NHSL1: variants seen among roughly 807,000 people sequenced by gnomAD.
NHSL1 encodes the protein NHS-like protein 1.
A neutral mutation model predicts 95.0 loss-of-function variants in NHSL1; 48 were observed. The observed-to-expected ratio is 0.51, with a 90% CI of 0.40 to 0.64. The LOEUF (loss-of-function observed/expected upper bound fraction) is 0.64. Ranked by LOEUF, NHSL1 falls within the 30% of genes least tolerant of loss-of-function variation. NHSL1 has a pLI of 0.00. For missense variants in NHSL1, 1,971 were observed against 2,077.7 expected (o/e 0.95, Z 1.00); for synonymous variants, 783 against 833.9 (o/e 0.94, Z 1.05).
intron 3 of NHSL1, among the ~76,000 whole-genome samples, chr6:138,468,697 TG>T (rs1778552614): frequency 6.6e-6 from 1 of 152,170 alleles, no homozygotes; most frequent in Admixed American, 6.5e-5. Context: ...ACAAAAAAGC[TG>T]GGGGCCACTG....
chr6:138,466,046 G>GGGGT lies in NHSL1; in HGVS notation c.339+7259_339+7260insACCC, dbSNP rs1164719185. On this transcript the variant is annotated intron_variant, in intron 3 of 7. Transcript: ENST00000343505. Reference sequence around the variant, plus strand: ...GCCCCACATACACTCCTTTTTGGGGGGGGGGCAGGGGGGAACAGAGTCTTG... The same window carrying GGGGT: ...GCCCCACATACACTCCTTTTTGGGGGGGGTGGGGGCAGGGGGGAACAGAGTCTTG... 1.4e-5 allele frequency among the ~76,000 whole-genome samples: 2 copies of GGGGT among 140,298 alleles called. 1 individual carries two copies. Among genetic ancestry groups the GGGGT allele is most frequent in the Non-Finnish European group, 3.1e-5 (2 of 64,948 alleles). The allele number at this position is 140,298 out of a possible 152,430, so 92.0% of individuals were successfully genotyped here.
Position 138,690,699 on chromosome 6 carries a change from C to A in NHSL1, c.96+1777G>T, listed in dbSNP as rs568733716. Among the ~76,000 whole-genome samples, 332 of 152,238 alleles carry A rather than the reference C, an allele frequency of 2.2e-3. 2 individuals carry two copies. Among genetic ancestry groups the A allele is most frequent in the Middle Eastern group, 3.4e-3 (1 of 294 alleles). On this transcript the variant is annotated intron_variant, in intron 1 of 3. Transcript: ENST00000491526. ...GAGGGTGCAGTGAGCTGAGATTGCA[C>A]CACAGCACTCCAGCCTGGAAGACAG...
chr6:138,427,335 G>A (rs1264331033), intron 7 of NHSL1, among the ~76,000 whole-genome samples: 1 of 152,128 alleles, frequency 6.6e-6, no homozygotes, highest in African/African-American at 2.4e-5. Flanking sequence ...AGCTACTTGG[G>A]ATGCTGAGGC....
chr6:138,498,252 T>C (rs1419840540), intron 1 of NHSL1, among the ~76,000 whole-genome samples: 3 of 152,198 alleles, frequency 2.0e-5, no homozygotes, highest in Non-Finnish European at 4.4e-5. Context: ...TATTCGACAA[T>C]TTCAAATCAA....
rs183363170 is a variant in NHSL1, at chr6:138,669,915, G to A, written c.96+22561C>T. Among the ~76,000 whole-genome samples, 8 of 152,216 alleles carry A rather than the reference G, an allele frequency of 5.3e-5. No homozygotes were observed. In the East Asian group the frequency reaches 1.6e-3, roughly 30 times the overall value. The stretch of plus-strand genomic sequence containing the variant: ...GTGGGTGGATCACCCGAGGTCAGGA[G>A]TTTGAGACCAGCATGGCCAATATGG... On this transcript the variant is annotated intron_variant, in intron 1 of 3. Transcript: ENST00000491526.
chr6:138,484,163 G>T (rs139889021), intron 2 of NHSL1, among the ~76,000 whole-genome samples: 1 of 152,250 alleles, frequency 6.6e-6, no homozygotes, highest in Non-Finnish European at 1.5e-5. Context: ...ACCAATCTAG[G>T]ATTAAAAAGC....
At chr6:138,670,077 C>T (rs560060179) in intron 1 of NHSL1, among the ~76,000 whole-genome samples, 3 of 152,102 alleles carry the variant, frequency 2.0e-5, no homozygotes, top group South Asian at 2.1e-4. Context: ...GCCGAAATCA[C>T]GCCACTGCAC....
intron 1 of NHSL1, among the ~76,000 whole-genome samples, chr6:138,568,061 T>C (rs1056442222): frequency 4.6e-5 from 7 of 152,172 alleles, no homozygotes; most frequent in African/African-American, 1.7e-4. Context: ...TAAATACTAC[T>C]AGTCATTAGT....
At position 138,424,674 on chromosome 6, in the gene NHSL1, G is replaced by C; in HGVS notation, c.4228C>G (p.Arg1410Gly). 6.4e-7 allele frequency: 1 copy of C among 1,551,520 alleles called. No homozygotes were observed. The highest frequency in any genetic ancestry group is 8.7e-7 in the Non-Finnish European group (1 of 1,146,970). The change falls in exon 8 of 8, where the codon CGA (arginine) becomes GGA (glycine). Residue 1410 changes from arginine (R) to glycine (G), a missense_variant. Physicochemically the swap from Arg to Gly is moderately radical, Grantham distance 125. Coordinates refer to ENST00000343505, the MANE Select transcript of NHSL1 (RefSeq NM_001144060.2). The surrounding 1 kb of genome is among the most constrained non-coding windows in gnomAD (Gnocchi z 5.9). ...TTGTCACTGCTGGTGCTGCTCTTTC[G>C]GATGCTTCTCTGAATCGACCCCACT... ...KQVGSIQRSI[R>G]KSSTSSDNFK...
At chr6:138,524,230 C>A (rs1781808034) in intron 1 of NHSL1, among the ~76,000 whole-genome samples, 1 of 152,146 alleles carries the variant, frequency 6.6e-6, no homozygotes, top group South Asian at 2.1e-4. Flanking sequence ...TAAAATTAAG[C>A]CTGGTGTTAA....
chr6:138,593,425 C>G (rs970873626), intron 1 of NHSL1, among the ~76,000 whole-genome samples: 1 of 152,234 alleles, frequency 6.6e-6, no homozygotes, highest in Non-Finnish European at 1.5e-5. Flanking sequence ...AGAGTTCATT[C>G]ATTCACAATC....
At chr6:138,469,720 T>C (rs1418610972) in intron 3 of NHSL1, among the ~76,000 whole-genome samples, 1 of 151,856 alleles carries the variant, frequency 6.6e-6, no homozygotes, top group Non-Finnish European at 1.5e-5. Flanking sequence ...CTCAACAGAG[T>C]GAGATCCTGT....
At chr6:138,491,803 A>C (rs981246609) in intron 2 of NHSL1, among the ~76,000 whole-genome samples, 6 of 152,004 alleles carry the variant, frequency 3.9e-5, no homozygotes, top group Middle Eastern at 3.2e-3. Context: ...TTTTTTTCTG[A>C]TTTTGGAATA....
intron 3 of NHSL1, among the ~76,000 whole-genome samples, chr6:138,469,210 A>G (rs1183120783): frequency 6.6e-6 from 1 of 152,240 alleles, no homozygotes; most frequent in Non-Finnish European, 1.5e-5. Context: ...TCAAAGAATT[A>G]CTGTTGAATA....
At chr6:138,554,620 A>G (rs1180175829) in intron 1 of NHSL1, among the ~76,000 whole-genome samples, 1 of 152,256 alleles carries the variant, frequency 6.6e-6, no homozygotes, top group Non-Finnish European at 1.5e-5. Flanking sequence ...GTAAATGTCC[A>G]GGCTTCTGGT....
intron 1 of NHSL1, among the ~76,000 whole-genome samples, chr6:138,514,307 G>T (rs1001222122): frequency 6.8e-6 from 1 of 146,180 alleles, no homozygotes; most frequent in African/African-American, 2.6e-5. Flanking sequence ...GACAGAGCAA[G>T]ACTCCATCTC....
chr6:138,523,015 C>T (rs1364439028), intron 1 of NHSL1, among the ~76,000 whole-genome samples: 1 of 152,064 alleles, frequency 6.6e-6, no homozygotes, highest in Non-Finnish European at 1.5e-5. Context: ...GGAAGGGTCT[C>T]TGTCCCCCCA....
Position 138,473,262 on chromosome 6 carries a change from T to C in NHSL1, c.339+44A>G. 2.7e-6 allele frequency: 4 copies of C among 1,471,658 alleles called. No homozygotes were observed. The South Asian group carries it at 5.7e-5, about 21-fold the overall frequency. 91.2% of individuals were successfully genotyped at this position (1,471,658 alleles called of 1,614,324 possible). Reference sequence around the variant, plus strand: ...TTGTCCACATATATCCTTTCTCTGTTCTGGGACCCAACCCAGGACCCCGTG... The same window carrying C: ...TTGTCCACATATATCCTTTCTCTGTCCTGGGACCCAACCCAGGACCCCGTG... On this transcript the variant is annotated intron_variant, in intron 3 of 7. Transcript: ENST00000343505.
At chr6:138,518,333 T>A (rs1781537331) in intron 1 of NHSL1, among the ~76,000 whole-genome samples, 2 of 151,874 alleles carry the variant, frequency 1.3e-5, no homozygotes. Flanking sequence ...CTCAACACAG[T>A]CCAGGTTTGG....
Sources: allele counts gnomAD v4.1 joint callset (sites outside exome capture counted in the v4.1 genomes callset), GRCh38; gene constraint gnomAD v4.1.1; non-coding constraint Gnocchi (gnomAD v3.1); transcripts MANE v1.5; gene names NCBI Gene and HGNC (gene_info 2026-07-23, HGNC 2026-07-21).